The following TTBK1 variants were observed in gnomAD, a reference collection of about 807,000 sequenced individuals.
TTBK1 encodes the protein tau-tubulin kinase 1.
Under a neutral mutation model 108.5 loss-of-function variants are expected in TTBK1, and 34 were observed. The ratio of observed to expected loss-of-function variants is 0.31; its 90% CI spans 0.24 to 0.42. The LOEUF is 0.42. Ranked by LOEUF, TTBK1 falls within the 10% of genes least tolerant of loss-of-function variation. TTBK1 has a pLI of 1.00. For missense variants in TTBK1, 1,539 were observed against 1,826.0 expected, an observed-to-expected ratio of 0.84 and a Z score of 2.86; for synonymous variants, 809 against 795.1, an observed-to-expected ratio of 1.02 and a Z score of -0.29.
At chr6:43,278,526 A>G (rs1231490244) in intron 13 of TTBK1, among the ~76,000 whole-genome samples, 2 of 152,060 alleles carry the variant, frequency 1.3e-5, no homozygotes, top group African/African-American at 4.8e-5. Flanking sequence ...AGGATCCAGG[A>G]TTGTGTATTT....
At chr6:43,281,760 C>A (rs1156658330) in intron 13 of TTBK1, among the ~76,000 whole-genome samples, 1 of 152,192 alleles carries the variant, frequency 6.6e-6, no homozygotes, top group Non-Finnish European at 1.5e-5. Context: ...AAGTGCTGGA[C>A]ATCGTCAGCA....
rs777256964 is a variant in TTBK1, at chr6:43,265,772, A to G, written c.1986+2422A>G. On this transcript the variant is annotated intron_variant, in intron 13 of 14. Transcript: ENST00000259750. This position sits in a 1 kb window ranked among gnomAD's most constrained non-coding sequence, Gnocchi z 4.1. ...CAGACAGTGTCAAGAGAGAGCCGAGAATTAAAGTCAGGAGACTGAGGTCTG... is the reference window on the plus strand; with the variant it reads ...CAGACAGTGTCAAGAGAGAGCCGAGGATTAAAGTCAGGAGACTGAGGTCTG... Among the ~76,000 whole-genome samples the G allele has an allele frequency of 1.3e-5, 2 of 152,134 alleles. No homozygotes were observed. Among genetic ancestry groups the G allele is most frequent in the African/African-American group, 2.4e-5 (1 of 41,426 alleles).
rs1582482248 is a variant in TTBK1, at chr6:43,255,535, C to T, written c.643-17C>T. 1 of 1,582,902 alleles carries T rather than the reference C, an allele frequency of 6.3e-7. No individual in the cohort carries two copies. The highest frequency in any genetic ancestry group is 8.6e-7 in the Non-Finnish European group (1 of 1,164,620). Reference sequence around the variant, plus strand: ...AGGACCTGAGAGCTGCAGGTGACTCCCTCCCCCCACCTCCAGGAGATGGGC... The same window carrying T: ...AGGACCTGAGAGCTGCAGGTGACTCTCTCCCCCCACCTCCAGGAGATGGGC... On this transcript the variant is annotated splice_polypyrimidine_tract_variant and intron_variant, in intron 7 of 14. Coordinates refer to ENST00000259750, the MANE Select transcript of TTBK1 (RefSeq NM_032538.3).
chr6:43,281,486 G>A (rs1778160642), intron 13 of TTBK1, among the ~76,000 whole-genome samples: 1 of 152,146 alleles, frequency 6.6e-6, no homozygotes, highest in South Asian at 2.1e-4. Flanking sequence ...GATCACTCAG[G>A]CAGATGTAAA....
intron 9 of TTBK1, among the ~76,000 whole-genome samples, 156 bp downstream of exon 9, chr6:43,256,012 G>T (rs1777371857): frequency 6.6e-6 from 1 of 152,160 alleles, no homozygotes; most frequent in Admixed American, 6.5e-5. Context: ...GTATGCTCTT[G>T]TAAACTAGTC....
chr6:43,244,162 G>C (rs1238384895), intron 1 of TTBK1, among the ~76,000 whole-genome samples: 1 of 151,726 alleles, frequency 6.6e-6, no homozygotes, highest in African/African-American at 2.4e-5. Flanking sequence ...TATCTCTCAC[G>C]GGTCTCTATC....
rs761017615 is a variant in TTBK1, at chr6:43,283,312, G to A, written c.2572G>A (p.Asp858Asn). The A allele has an allele frequency of 1.1e-5, 17 of 1,581,454 alleles. No individual in the cohort carries two copies. Among genetic ancestry groups the A allele is most frequent in the East Asian group, 2.3e-5 (1 of 42,778 alleles). ...PVTAELAPDP[D>N]LGTLAALTPQ... ...CACTGCCGAACTGGCCCCCGACCCC[G>A]ACCTGGGCACCCTGGCTGCCCTCAC... Residue 858 changes from aspartate to asparagine, a missense_variant, in exon 14 of 15, where the codon GAC becomes AAC. Coordinates refer to ENST00000259750, the MANE Select transcript of TTBK1 (RefSeq NM_032538.3). This position sits in a 1 kb window ranked among gnomAD's most constrained non-coding sequence, Gnocchi z 8.1.
chr6:43,252,240 G>T (rs527343400), intron 2 of TTBK1, among the ~76,000 whole-genome samples: 1 of 150,140 alleles, frequency 6.7e-6, no homozygotes, highest in East Asian at 2.0e-4. Flanking sequence ...TTGCTCAGGA[G>T]CTGAGCTGTC....
intron 2 of TTBK1, among the ~76,000 whole-genome samples, chr6:43,249,527 G>A (rs1387639677): frequency 6.6e-6 from 1 of 151,824 alleles, no homozygotes; most frequent in African/African-American, 2.4e-5. Context: ...TTATATACTA[G>A]ATTGTTCTCT....
intron 13 of TTBK1, among the ~76,000 whole-genome samples, chr6:43,281,139 C>T (rs534942955): frequency 6.4e-4 from 97 of 152,008 alleles, no homozygotes; most frequent in African/African-American, 2.2e-3. Context: ...TCTGGGAGGC[C>T]GAAGCGGGTG....
In TTBK1 at chr6:43,283,294, G is replaced by A. The variant is rs1461898707; in HGVS notation, c.2554G>A (p.Glu852Lys). Residue 852 changes from glutamate to lysine, a missense_variant, in exon 14 of 15, where the codon GAA (glutamate) becomes AAA (lysine). Physicochemically the swap from Glu to Lys is moderately conservative, Grantham distance 56 (BLOSUM62 1). This residue lies in a region of TTBK1 where 1,055 missense variants were observed against 1,086.5 expected (regional missense o/e 0.97). Coordinates refer to ENST00000259750, the MANE Select transcript of TTBK1 (RefSeq NM_032538.3). This position sits in a 1 kb window ranked among gnomAD's most constrained non-coding sequence, Gnocchi z 8.1. ...CATGAAGAAGTCGCCCGTCACTGCC[G>A]AACTGGCCCCCGACCCCGACCTGGG... ...GDMKKSPVTA[E>K]LAPDPDLGTL... 8.3e-6 allele frequency: 13 copies of A among 1,571,532 alleles called. No individual in the cohort carries two copies. Among genetic ancestry groups the A allele is most frequent in the South Asian group, 1.2e-5 (1 of 85,968 alleles).
In TTBK1 at chr6:43,282,606, A is replaced by G. The variant is rs1335359856; in HGVS notation, c.1987-121A>G. On this transcript the variant is annotated intron_variant, in intron 13 of 14. Transcript: ENST00000259750. This position sits in a 1 kb window ranked among gnomAD's most constrained non-coding sequence, Gnocchi z 5.4. ...CCAGTGCCTGTGCTTAACTTTATGG[A>G]GCTCACACTCTGGTAGACGACCTGG... The G allele has an allele frequency of 2.5e-6, 2 of 787,902 alleles. No individual in the cohort carries two copies. Among genetic ancestry groups the G allele is most frequent in the East Asian group, 2.5e-5 (1 of 40,706 alleles). 48.8% of individuals were successfully genotyped at this position (787,902 alleles called of 1,614,324 possible).
chr6:43,256,467 G>A (rs544082746), intron 9 of TTBK1, among the ~76,000 whole-genome samples: 20 of 152,034 alleles, frequency 1.3e-4, no homozygotes, highest in South Asian at 8.3e-4. Flanking sequence ...TGGCCGGTGC[G>A]GTGGCTCACA....
intron 13 of TTBK1, among the ~76,000 whole-genome samples, chr6:43,278,167 CAG>C (rs988353850): frequency 2.0e-5 from 3 of 152,192 alleles, no homozygotes; most frequent in African/African-American, 4.8e-5. Context: ...GTGTCGGTGT[CAG>C]AGAAGTTTCC....
chr6:43,277,379 G>A (rs901454374), intron 13 of TTBK1, among the ~76,000 whole-genome samples: 5 of 152,146 alleles, frequency 3.3e-5, no homozygotes, highest in Admixed American at 2.6e-4. Context: ...AGACTGGAGA[G>A]AGAGGGGAAA....
rs781246771 is a variant in TTBK1 at position 43,254,652 on chromosome 6, G to A, written c.576+1G>A. ...CAACACCACGGGGGATGTGCGGCCCGTGAGTACCGTCGGGGCGGGGAGGAC... is the reference window on the plus strand; with the variant it reads ...CAACACCACGGGGGATGTGCGGCCCATGAGTACCGTCGGGGCGGGGAGGAC... On this transcript the variant is annotated splice_donor_variant, in intron 6 of 14. Coordinates refer to ENST00000259750, the MANE Select transcript of TTBK1 (RefSeq NM_032538.3). LOFTEE classifies it high-confidence loss of function. 2.6e-6 allele frequency: 4 copies of A among 1,566,070 alleles called. No homozygotes were observed. The highest frequency in any genetic ancestry group is 1.4e-5 in the African/African-American group (1 of 73,444).
chr6:43,244,837 C>T (rs571370722), intron 1 of TTBK1, among the ~76,000 whole-genome samples: 1 of 152,282 alleles, frequency 6.6e-6, no homozygotes, highest in South Asian at 2.1e-4. Context: ...CAGTCTTGTC[C>T]TCAACCTGTC....
chr6:43,279,251 G>C (rs1778085194), intron 13 of TTBK1, among the ~76,000 whole-genome samples: 1 of 152,172 alleles, frequency 6.6e-6, no homozygotes, highest in Admixed American at 6.5e-5. Flanking sequence ...TGTTGCGGGG[G>C]ATCCCATCCT....
intron 2 of TTBK1, among the ~76,000 whole-genome samples, chr6:43,248,653 G>A (rs1468564513): frequency 2.0e-5 from 3 of 152,280 alleles, no homozygotes; most frequent in African/African-American, 7.2e-5. Context: ...AACCTGGAAG[G>A]CAGAGGTTGC....
Sources: allele counts gnomAD v4.1 joint callset (sites outside exome capture counted in the v4.1 genomes callset), GRCh38; gene constraint gnomAD v4.1.1; regional missense constraint gnomAD v4.1.1; non-coding constraint Gnocchi (gnomAD v3.1); transcripts MANE v1.5; gene names NCBI Gene and HGNC (gene_info 2026-07-23, HGNC 2026-07-21).